Variants in ACAD10 observed in about 807,000 individuals in gnomAD.
ACAD10 encodes acyl-CoA dehydrogenase family member 10, also known as ACAD-10.
A neutral mutation model predicts 116.8 loss-of-function variants in ACAD10; 112 were observed. The ratio of observed to expected loss-of-function variants is 0.96; its 90% CI spans 0.82 to 1.12. ACAD10 has a LOEUF of 1.12. ACAD10 is among the 50% of genes most tolerant of loss of function. The pLI, the probability that ACAD10 is intolerant of heterozygous loss-of-function variation, is 0.00. For synonymous variants in ACAD10, 486 were observed against 510.6 expected (o/e 0.95, Z 0.65); for missense variants, 1,259 against 1,350.2 (o/e 0.93, Z 1.06).
intron 17 of ACAD10, 175 bp from the exon 18 acceptor site, chr12:111,748,998 C>G: frequency 2.5e-6 from 4 of 1,608,838 alleles, no homozygotes; most frequent in Non-Finnish European, 3.4e-6. Context: ...GATTCATTTT[C>G]TGTGTTTAAC....
chr12:111,689,354 G>A (rs956109984), intron 1 of ACAD10, among the ~76,000 whole-genome samples: 1 of 151,752 alleles, frequency 6.6e-6, no homozygotes. Context: ...TTGTTGTGTT[G>A]TTATTTTTGT....
chr12:111,711,745 C>T (rs893567558), intron 5 of ACAD10, among the ~76,000 whole-genome samples: 1 of 152,086 alleles, frequency 6.6e-6, no homozygotes, highest in African/African-American at 2.4e-5. Context: ...ATCTCCTGGC[C>T]TCGTGATCCA....
intron 17 of ACAD10, chr12:111,748,847 A>T: frequency 2.7e-6 from 2 of 743,392 alleles, no homozygotes; most frequent in Non-Finnish European, 4.3e-6. Context: ...GTTCTCTGCT[A>T]ATAGTGTTCA....
chr12:111,694,424 C>A (rs1416848159), intron 2 of ACAD10, among the ~76,000 whole-genome samples: 2 of 152,104 alleles, frequency 1.3e-5, no homozygotes, highest in African/African-American at 2.4e-5. Context: ...TAAACCTGAG[C>A]AACACAGTGA....
chr12:111,750,597 A>G (rs776994037), intron 18 of ACAD10, among the ~76,000 whole-genome samples: 3 of 152,128 alleles, frequency 2.0e-5, no homozygotes, highest in Non-Finnish European at 4.4e-5. Context: ...TTAAAAATAA[A>G]TAAATAAATA....
chr12:111,748,786 T>C, intron 17 of ACAD10: 1 of 549,850 alleles, frequency 1.8e-6, no homozygotes, highest in East Asian at 3.6e-5. Context: ...GGCCCCAGTG[T>C]GAACAGCTGA....
intron 9 of ACAD10, among the ~76,000 whole-genome samples, chr12:111,728,502 G>T (rs941441425): frequency 1.3e-5 from 2 of 150,164 alleles, no homozygotes; most frequent in Non-Finnish European, 3.0e-5. Context: ...ATTTTTCTCC[G>T]TTTTTTACCC....
chr12:111,739,422 GA>G (rs1257003119), intron 12 of ACAD10, among the ~76,000 whole-genome samples: 1 of 152,120 alleles, frequency 6.6e-6, no homozygotes, highest in Non-Finnish European at 1.5e-5. Flanking sequence ...TCAAGGGGAG[GA>G]AAAGGGTGAA....
At chr12:111,733,801 AC>A in intron 10 of ACAD10, 121 bp from the exon 11 acceptor site, 1 of 1,172,794 alleles carries the variant, frequency 8.5e-7, no homozygotes, top group Non-Finnish European at 1.2e-6. Flanking sequence ...GAGCTCAGGC[AC>A]CCGGGCACAG....
chr12:111,704,420 G>A (rs1048711950), intron 3 of ACAD10, among the ~76,000 whole-genome samples: 2 of 152,078 alleles, frequency 1.3e-5, no homozygotes, highest in Non-Finnish European at 2.9e-5. Flanking sequence ...GATTACAGGC[G>A]TGAGCCACCA....
At chr12:111,713,938 C>A (rs847888) in intron 6 of ACAD10, among the ~76,000 whole-genome samples, 102,983 of 148,926 alleles carry the variant, frequency 0.69, 37,230 homozygotes, top group East Asian at 0.99. Context: ...GTCCCCCCCC[C>A]AAAAAAAAAA....
intron 2 of ACAD10, among the ~76,000 whole-genome samples, chr12:111,698,457 A>G (rs1480756461): frequency 1.4e-5 from 2 of 139,468 alleles, no homozygotes; most frequent in Non-Finnish European, 3.1e-5. Context: ...TGAATTGCTC[A>G]CTTTTCTTGT....
chr12:111,747,910 T>C (rs577045291), intron 16 of ACAD10, among the ~76,000 whole-genome samples: 4 of 152,100 alleles, frequency 2.6e-5, no homozygotes, highest in Admixed American at 6.5e-5. Flanking sequence ...GTCCCTTGCC[T>C]GGGGTATGAG....
Position 111,721,738 on chromosome 12 carries a change from A to C in ACAD10, c.1060A>C (p.Ser354Arg). ...CGTTCTTGATCTCTGTGAAGATTCA[A>C]GGTAAAGTTCAGATGTTTTTGCTAT... ...PNVLDLCEDS[S>R]VIGTPFYVME... Residue 354 changes from serine to arginine, a missense_variant and splice_region_variant, in exon 8 of 21, where the codon AGT becomes CGT. Transcript: ENST00000313698. 1 of 1,595,848 alleles carries C rather than the reference A, an allele frequency of 6.3e-7. No individual in the cohort carries two copies. The highest frequency in any genetic ancestry group is 1.3e-5 in the African/African-American group (1 of 74,848).
At chr12:111,729,276 C>T (rs1889318481) in intron 9 of ACAD10, among the ~76,000 whole-genome samples, 1 of 152,048 alleles carries the variant, frequency 6.6e-6, no homozygotes, top group African/African-American at 2.4e-5. Flanking sequence ...TTGCTCTTGT[C>T]ACCCAGGCTG....
chr12:111,751,929 A>G (rs1890082282), intron 18 of ACAD10, among the ~76,000 whole-genome samples: 3 of 151,704 alleles, frequency 2.0e-5, no homozygotes, highest in African/African-American at 7.3e-5. Context: ...GTGGTGGCGC[A>G]TGCCTGTAAT....
chr12:111,689,870 C>T (rs188223684), intron 1 of ACAD10, among the ~76,000 whole-genome samples: 2 of 152,214 alleles, frequency 1.3e-5, no homozygotes, highest in Non-Finnish European at 2.9e-5. Context: ...TGCCCACCAC[C>T]ACGCCCGGCT....
intron 18 of ACAD10, 116 bp from the exon 19 acceptor site, chr12:111,753,656 T>C (rs1401071994): frequency 1.9e-5 from 27 of 1,390,322 alleles, no homozygotes; most frequent in Non-Finnish European, 2.7e-5. Context: ...GGTTTCACTC[T>C]CCTCCCCTGC....
At chr12:111,706,002 G>A (rs908374712) in intron 4 of ACAD10, 70 bp downstream of exon 4, 18 of 1,526,216 alleles carry the variant, frequency 1.2e-5, no homozygotes, top group Non-Finnish European at 1.6e-5. Flanking sequence ...AATGTTAAAT[G>A]CTATCTTCCA....
Sources: gnomAD v4.1 joint callset for allele counts (sites outside exome capture counted in the v4.1 genomes callset) on GRCh38, gnomAD v4.1.1 for gene constraint, MANE v1.5 for transcripts, NCBI Gene and HGNC (gene_info 2026-07-23, HGNC 2026-07-21) for gene names.